Variants in AGBL1 observed in about 807,000 individuals in gnomAD.
The protein encoded by AGBL1 is AGBL carboxypeptidase 1, also known as cytosolic carboxypeptidase 4.
AGBL1 carries 130 observed loss-of-function variants against 118.9 expected under a neutral mutation model. The observed-to-expected ratio is 1.09, with a 90% CI of 0.95 to 1.26. AGBL1 has a LOEUF of 1.26. Ranked by LOEUF, AGBL1 falls within the 50% of genes most tolerant of loss-of-function variation. AGBL1 has a pLI of 0.00. For synonymous variants in AGBL1, 555 were observed against 478.9 expected (o/e 1.16, Z -2.08); for missense variants, 1,584 against 1,298.1 (o/e 1.22, Z -3.38).
chr15:86,390,974 A>G (rs867007651), intron 17 of AGBL1, among the ~76,000 whole-genome samples: 2 of 151,182 alleles, frequency 1.3e-5, no homozygotes, highest in African/African-American at 2.4e-5. Context: ...CTCACACTGT[A>G]TGATTTAATT....
intron 21 of AGBL1, among the ~76,000 whole-genome samples, chr15:86,664,024 A>G (rs963564941): frequency 6.6e-6 from 1 of 152,110 alleles, no homozygotes; most frequent in Admixed American, 6.6e-5. Flanking sequence ...CCAATAAAAG[A>G]CCCAAAGGAA....
intron 23 of AGBL1, among the ~76,000 whole-genome samples, chr15:86,976,263 G>A (rs1487563714): frequency 6.6e-6 from 1 of 150,472 alleles, no homozygotes; most frequent in African/African-American, 2.4e-5. Context: ...GTATATATAT[G>A]TGAATATGTA....
intron 16 of AGBL1, among the ~76,000 whole-genome samples, chr15:86,280,041 G>A (rs191840137): frequency 3.7e-4 from 56 of 152,308 alleles, no homozygotes; most frequent in Non-Finnish European, 6.6e-4. Flanking sequence ...GCAAGTTGGG[G>A]CAGGACATGG....
At chr15:86,759,187 T>A (rs183354261) in intron 22 of AGBL1, among the ~76,000 whole-genome samples, 1 of 152,072 alleles carries the variant, frequency 6.6e-6, no homozygotes, top group Non-Finnish European at 1.5e-5. Flanking sequence ...CAAAATAATA[T>A]GGGATTAATT....
At chr15:86,683,353 T>C (rs1406621141) in intron 22 of AGBL1, among the ~76,000 whole-genome samples, 2 of 152,138 alleles carry the variant, frequency 1.3e-5, no homozygotes, top group African/African-American at 4.8e-5. Flanking sequence ...ATAGGTTGAA[T>C]GTGTTGTAAC....
intron 17 of AGBL1, among the ~76,000 whole-genome samples, chr15:86,376,050 A>G (rs778056850): frequency 6.6e-6 from 1 of 152,212 alleles, no homozygotes; most frequent in Non-Finnish European, 1.5e-5. Context: ...GTTTATGGCT[A>G]TGTGAGCATA....
intron 3 of AGBL1, among the ~76,000 whole-genome samples, chr15:86,153,471 G>C (rs2077144192): frequency 6.7e-6 from 1 of 149,888 alleles, no homozygotes; most frequent in South Asian, 2.2e-4. Flanking sequence ...AGATCAGTTG[G>C]ATACAGGGCA....
chr15:86,508,788 A>G (rs1175199453), intron 18 of AGBL1, among the ~76,000 whole-genome samples: 2 of 152,184 alleles, frequency 1.3e-5, no homozygotes, highest in Non-Finnish European at 2.9e-5. Context: ...CAAATGATTT[A>G]TAGTCTAAAT....
intron 18 of AGBL1, among the ~76,000 whole-genome samples, chr15:86,511,634 G>C (rs1266461175): frequency 6.6e-6 from 1 of 151,874 alleles, no homozygotes; most frequent in African/African-American, 2.4e-5. Flanking sequence ...ATGCCTCTAG[G>C]GTTGTTGTGA....
At chr15:86,583,257 C>T (rs186205324) in intron 21 of AGBL1, among the ~76,000 whole-genome samples, 1 of 151,948 alleles carries the variant, frequency 6.6e-6, no homozygotes, top group Non-Finnish European at 1.5e-5. Context: ...ATTCCTCCTG[C>T]CACCAAGGTA....
At chr15:86,218,653 A>T (rs1014690884) in intron 5 of AGBL1, among the ~76,000 whole-genome samples, 1 of 152,178 alleles carries the variant, frequency 6.6e-6, no homozygotes. Flanking sequence ...AACTTTCCTC[A>T]TTGATGAAGT....
intron 1 of AGBL1, among the ~76,000 whole-genome samples, chr15:86,128,042 A>C (rs1325574184): frequency 6.6e-6 from 1 of 152,126 alleles, no homozygotes; most frequent in East Asian, 1.9e-4. Context: ...AGTGGGTAAC[A>C]TTATCTTAAC....
intron 18 of AGBL1, among the ~76,000 whole-genome samples, chr15:86,471,185 T>C (rs764656397): frequency 3.9e-5 from 6 of 152,160 alleles, no homozygotes; most frequent in Non-Finnish European, 7.4e-5. Context: ...TTTTAAATAT[T>C]ATATATGACC....
At chr15:86,366,152 G>C (rs1461106970) in intron 17 of AGBL1, among the ~76,000 whole-genome samples, 1 of 152,054 alleles carries the variant, frequency 6.6e-6, no homozygotes, top group African/African-American at 2.4e-5. Flanking sequence ...AATTTATCTA[G>C]AAAAGGCTGT....
intron 23 of AGBL1, among the ~76,000 whole-genome samples, chr15:86,938,637 A>ATC (rs1230614234): frequency 2.4e-4 from 37 of 152,122 alleles, no homozygotes; most frequent in Admixed American, 2.4e-3. Context: ...TCAAGCCAAT[A>ATC]TCTCTCTCTC....
intron 21 of AGBL1, among the ~76,000 whole-genome samples, chr15:86,624,352 G>A (rs1435685320): frequency 6.6e-6 from 1 of 152,196 alleles, no homozygotes; most frequent in African/African-American, 2.4e-5. Context: ...TTTTGGTCAA[G>A]CTATTGGGCA....
intron 6 of AGBL1, among the ~76,000 whole-genome samples, chr15:86,227,357 T>A (rs2078382777): frequency 6.6e-6 from 1 of 152,376 alleles, no homozygotes; most frequent in Admixed American, 6.5e-5. Flanking sequence ...GATGAGAGGT[T>A]CTCTAACATT....
At chr15:86,729,342 T>G (rs1197423083) in intron 22 of AGBL1, among the ~76,000 whole-genome samples, 1 of 152,162 alleles carries the variant, frequency 6.6e-6, no homozygotes, top group Non-Finnish European at 1.5e-5. Flanking sequence ...GTGTATAAAT[T>G]GTGTGTCACT....
rs189890734 is a variant in AGBL1, at chr15:86,106,187, G to A, written c.51+26164G>A. On this transcript the variant is annotated intron_variant, in intron 1 of 22. Transcript: ENST00000614907. ...CAAGTGGTTGGATATACAGATAACA[G>A]GGTAGTAAATGTGGTGCTTACATTA... Among the ~76,000 whole-genome samples, 126 of 152,318 alleles carry A rather than the reference G, an allele frequency of 8.3e-4. 1 individual carries two copies. Among genetic ancestry groups the A allele is most frequent in the African/African-American group, 2.7e-3 (113 of 41,566 alleles).
Sources: gnomAD v4.1 joint callset for allele counts (sites outside exome capture counted in the v4.1 genomes callset) on GRCh38, gnomAD v4.1.1 for gene constraint, MANE v1.5 for transcripts, NCBI Gene and HGNC (gene_info 2026-07-23, HGNC 2026-07-21) for gene names.